Variants in PLCE1 observed in about 807,000 individuals in gnomAD.
PLCE1 encodes 1-phosphatidylinositol 4,5-bisphosphate phosphodiesterase epsilon-1.
Under a neutral mutation model 242.8 loss-of-function variants are expected in PLCE1, and 119 were observed. The observed-to-expected ratio is 0.49, with a 90% CI of 0.42 to 0.57. The LOEUF (loss-of-function observed/expected upper bound fraction) is 0.57. Ranked by LOEUF, PLCE1 falls within the 20% of genes least tolerant of loss-of-function variation. The probability of loss-of-function intolerance (pLI) is 0.00; values close to 1 mark genes in which losing one functional copy is unlikely to be tolerated. For synonymous variants in PLCE1, 945 were observed against 1,017.4 expected (o/e 0.93, Z 1.35); for missense variants, 2,441 against 2,788.8 (o/e 0.88, Z 2.81).
chr10:94,154,847 T>C (rs186487537), intron 3 of PLCE1, among the ~76,000 whole-genome samples: 169 of 150,764 alleles, frequency 1.1e-3, no homozygotes, highest in Non-Finnish European at 2.1e-3. Flanking sequence ...AAGCCCAGCC[T>C]AGTCAACGTG....
At chr10:94,253,923 G>A (rs971691438) in intron 9 of PLCE1, among the ~76,000 whole-genome samples, 17 of 152,184 alleles carry the variant, frequency 1.1e-4, no homozygotes, top group African/African-American at 3.4e-4. Flanking sequence ...CTGCTTCACA[G>A]TTTTTTTCTG....
At chr10:94,136,265 G>A (rs968383129) in intron 3 of PLCE1, among the ~76,000 whole-genome samples, 1 of 152,076 alleles carries the variant, frequency 6.6e-6, no homozygotes, top group Non-Finnish European at 1.5e-5. Flanking sequence ...TAGTGTTTAC[G>A]GGCTATAGAG....
chr10:94,100,913 C>T (rs2045509975), intron 2 of PLCE1, among the ~76,000 whole-genome samples: 2 of 152,082 alleles, frequency 1.3e-5, no homozygotes, highest in Admixed American at 1.3e-4. Flanking sequence ...GATGGGGCTT[C>T]CTCCAGGAAG....
chr10:94,227,788 C>T (rs2049998178), intron 5 of PLCE1, among the ~76,000 whole-genome samples: 1 of 152,188 alleles, frequency 6.6e-6, no homozygotes, highest in Non-Finnish European at 1.5e-5. Flanking sequence ...TGTTATCTGT[C>T]TCTTTTCAGG....
In PLCE1 at chr10:94,084,398, C is replaced by T. The variant is rs1374686047; in HGVS notation, c.1207-47776C>T. Among the ~76,000 whole-genome samples the T allele has an allele frequency of 2.0e-5, 3 of 152,232 alleles. No homozygotes were observed. The South Asian group carries it at 6.2e-4, about 32-fold the overall frequency. On this transcript the variant is annotated intron_variant, in intron 2 of 32. Coordinates refer to ENST00000371380, the MANE Select transcript of PLCE1 (RefSeq NM_016341.4). ...GAGTTTGGGGTAGGGAAGAACTGGACTGGAAGCTGAGTCTGGTCCTCTTTA... is the reference window on the plus strand; with the variant it reads ...GAGTTTGGGGTAGGGAAGAACTGGATTGGAAGCTGAGTCTGGTCCTCTTTA...
chr10:94,093,451 A>G (rs376713318), intron 2 of PLCE1, among the ~76,000 whole-genome samples: 1 of 152,338 alleles, frequency 6.6e-6, no homozygotes, highest in African/African-American at 2.4e-5. Context: ...ACAAATAGGC[A>G]GTGACTCAGT....
chr10:94,277,694 G>A (rs1294484939), intron 19 of PLCE1, among the ~76,000 whole-genome samples: 1 of 152,150 alleles, frequency 6.6e-6, no homozygotes, highest in Non-Finnish European at 1.5e-5. Flanking sequence ...AAACAGACCT[G>A]CTTTTGTGGC....
chr10:94,313,160 A>T, intron 27 of PLCE1, 94 bp from the exon 28 acceptor site: 1 of 1,444,414 alleles, frequency 6.9e-7, no homozygotes, highest in Non-Finnish European at 9.7e-7. Flanking sequence ...ACATGTTCCT[A>T]TCCGTACTTC....
intron 3 of PLCE1, among the ~76,000 whole-genome samples, chr10:94,151,181 G>A (rs1381011320): frequency 2.6e-5 from 4 of 152,102 alleles, no homozygotes; most frequent in Non-Finnish European, 4.4e-5. Flanking sequence ...ACCTCCCACT[G>A]CCATCATGGA....
At chr10:94,133,232 G>C (rs1443665343) in intron 3 of PLCE1, among the ~76,000 whole-genome samples, 1 of 152,136 alleles carries the variant, frequency 6.6e-6, no homozygotes, top group Non-Finnish European at 1.5e-5. Flanking sequence ...CCATCTTCCA[G>C]CTACTCCCAT....
intron 7 of PLCE1, among the ~76,000 whole-genome samples, chr10:94,241,789 G>GA (rs772085555): frequency 0.033 from 2,219 of 67,036 alleles, 26 homozygotes; most frequent in Non-Finnish European, 0.048. Context: ...TCCATCTCCA[G>GA]AAAAAAAAAA....
intron 23 of PLCE1, among the ~76,000 whole-genome samples, chr10:94,294,483 A>G (rs2052741119): frequency 6.6e-6 from 1 of 152,174 alleles, no homozygotes; most frequent in African/African-American, 2.4e-5. Flanking sequence ...TACTTCGGAG[A>G]TATTGCAGGT....
At chr10:94,172,888 A>G (rs1454597151) in intron 4 of PLCE1, among the ~76,000 whole-genome samples, 2 of 152,176 alleles carry the variant, frequency 1.3e-5, no homozygotes, top group African/African-American at 2.4e-5. Context: ...TAGCTTGCCA[A>G]TCAAAATCCT....
intron 2 of PLCE1, among the ~76,000 whole-genome samples, chr10:94,115,163 A>G (rs553540439): frequency 1.3e-5 from 2 of 151,628 alleles, no homozygotes; most frequent in African/African-American, 4.8e-5. Context: ...AATCCAGTCT[A>G]TCATTGTTGG....
chr10:94,258,984 A>T (rs1187029180), intron 12 of PLCE1, 30 bp from the exon 13 acceptor site: 1 of 1,613,856 alleles, frequency 6.2e-7, no homozygotes, highest in Non-Finnish European at 8.5e-7. Flanking sequence ...AAAGATACTC[A>T]ATGAGAGGTG....
chr10:94,196,233 G>A lies in PLCE1; in HGVS notation c.1809+24737G>A, dbSNP rs550384032. Among the ~76,000 whole-genome samples, 53 of 152,256 alleles carry A rather than the reference G, an allele frequency of 3.5e-4. No individual in the cohort carries two copies. The South Asian group carries it at 0.011, about 30-fold the overall frequency. On this transcript the variant is annotated intron_variant, in intron 4 of 32. Transcript: ENST00000371380. ...TCCTTGCTATACACCTTCACTCTGG[G>A]CTCAGGGGCTTGCCTTCTATAGGGT... is the stretch of plus-strand genomic sequence containing the variant.
intron 7 of PLCE1, among the ~76,000 whole-genome samples, chr10:94,242,716 C>T (rs1372946876): frequency 1.3e-5 from 2 of 152,044 alleles, no homozygotes; most frequent in Non-Finnish European, 2.9e-5. Context: ...GAGCCTGGAG[C>T]ATGTTGTAGT....
chr10:94,036,496 A>G (rs1339204878), intron 2 of PLCE1, among the ~76,000 whole-genome samples: 1 of 152,156 alleles, frequency 6.6e-6, no homozygotes, highest in East Asian at 1.9e-4. Context: ...ACAGCTGTGT[A>G]GAGAAGATTG....
At chr10:94,212,414 G>T (rs192437598) in intron 4 of PLCE1, among the ~76,000 whole-genome samples, 1 of 152,064 alleles carries the variant, frequency 6.6e-6, no homozygotes. Flanking sequence ...CCACCACTAC[G>T]CCCAGCTGAT....
Sources: gnomAD v4.1 joint callset for allele counts (sites outside exome capture counted in the v4.1 genomes callset) on GRCh38, gnomAD v4.1.1 for gene constraint, MANE v1.5 for transcripts, NCBI Gene and HGNC (gene_info 2026-07-23, HGNC 2026-07-21) for gene names.